Variants in FHIT observed in about 807,000 individuals in gnomAD.
FHIT encodes fragile histidine triad diadenosine triphosphatase, also known as bis(5'-adenosyl)-triphosphatase.
FHIT carries 19 observed loss-of-function variants against 17.9 expected under a neutral mutation model. That is an observed-to-expected ratio of 1.06 (90% CI 0.74 to 1.56). FHIT has a LOEUF of 1.56. FHIT is among the 40% of genes most tolerant of loss of function. The pLI, the probability that FHIT is intolerant of heterozygous loss-of-function variation, is 0.00. For synonymous variants in FHIT, 81 were observed against 69.7 expected (o/e 1.16, Z -0.81); for missense variants, 248 against 189.2 (o/e 1.31, Z -1.82).
intron 2 of FHIT, among the ~76,000 whole-genome samples, chr3:61,197,916 G>A (rs965194455): frequency 4.6e-5 from 7 of 152,008 alleles, no homozygotes; most frequent in African/African-American, 1.7e-4. Context: ...AGCCAAGAGT[G>A]ACTTTTCTGT....
At chr3:59,846,399 C>T (rs1156496945) in intron 8 of FHIT, among the ~76,000 whole-genome samples, 1 of 152,106 alleles carries the variant, frequency 6.6e-6, no homozygotes, top group Non-Finnish European at 1.5e-5. Context: ...ATACCCTCCC[C>T]TTTCTGTTGT....
At chr3:60,349,799 T>G (rs1356951074) in intron 5 of FHIT, among the ~76,000 whole-genome samples, 1 of 152,216 alleles carries the variant, frequency 6.6e-6, no homozygotes, top group Admixed American at 6.5e-5. Flanking sequence ...ATTGCTGAAT[T>G]CATAAGGTAA....
At chr3:61,190,539 T>G (rs1287728963) in intron 2 of FHIT, among the ~76,000 whole-genome samples, 1 of 152,184 alleles carries the variant, frequency 6.6e-6, no homozygotes, top group Non-Finnish European at 1.5e-5. Context: ...CTCAGGGATC[T>G]AGAACTAGAA....
intron 3 of FHIT, among the ~76,000 whole-genome samples, chr3:60,916,483 A>G (rs1707011535): frequency 6.6e-6 from 1 of 152,186 alleles, no homozygotes; most frequent in South Asian, 2.1e-4. Context: ...GGTAAAAATC[A>G]CCCATTTTTG....
chr3:60,684,046 T>G (rs2040808768), intron 4 of FHIT, among the ~76,000 whole-genome samples: 1 of 152,158 alleles, frequency 6.6e-6, no homozygotes, highest in Non-Finnish European at 1.5e-5. Context: ...GCACTGAGAT[T>G]CAGAGAGGTC....
chr3:59,807,628 G>A (rs574679277), intron 8 of FHIT, among the ~76,000 whole-genome samples: 68 of 152,258 alleles, frequency 4.5e-4, no homozygotes, highest in African/African-American at 1.6e-3. Flanking sequence ...CTCGGCAGCA[G>A]TATATCCCAG....
At chr3:60,160,160 C>T (rs945024044) in intron 5 of FHIT, among the ~76,000 whole-genome samples, 1 of 151,390 alleles carries the variant, frequency 6.6e-6, no homozygotes, top group African/African-American at 2.4e-5. Context: ...GTCTGTGTGT[C>T]TGTGTGTGTA....
At chr3:60,126,004 G>T (rs953171717) in intron 5 of FHIT, among the ~76,000 whole-genome samples, 1 of 152,058 alleles carries the variant, frequency 6.6e-6, no homozygotes, top group Non-Finnish European at 1.5e-5. Flanking sequence ...TGATCTATGT[G>T]GACTACACTG....
At chr3:59,819,475 T>A (rs1392203702) in intron 8 of FHIT, among the ~76,000 whole-genome samples, 3 of 152,188 alleles carry the variant, frequency 2.0e-5, no homozygotes, top group African/African-American at 7.2e-5. Context: ...TGAAAAAAAA[T>A]TTAATTTTTA....
chr3:60,046,773 T>C (rs1202840818), intron 5 of FHIT, among the ~76,000 whole-genome samples: 1 of 152,196 alleles, frequency 6.6e-6, no homozygotes, highest in Admixed American at 6.5e-5. Context: ...ATCAGAGATG[T>C]TCTGGAGAAA....
At chr3:60,600,659 A>C (rs573729223) in intron 4 of FHIT, among the ~76,000 whole-genome samples, 1 of 152,158 alleles carries the variant, frequency 6.6e-6, no homozygotes, top group Non-Finnish European at 1.5e-5. Flanking sequence ...AAAGAAGGTA[A>C]GTAGACAGAT....
intron 4 of FHIT, among the ~76,000 whole-genome samples, chr3:60,708,353 C>A (rs990663520): frequency 1.3e-5 from 2 of 152,118 alleles, no homozygotes; most frequent in Non-Finnish European, 2.9e-5. Flanking sequence ...CAGCTCCTAC[C>A]AAAAGCACAT....
chr3:60,366,993 T>C (rs1025111614), intron 5 of FHIT, among the ~76,000 whole-genome samples: 2 of 152,194 alleles, frequency 1.3e-5, no homozygotes, highest in Non-Finnish European at 1.5e-5. Flanking sequence ...GAGATTCTAC[T>C]TTGCCCCATT....
At chr3:59,976,136 G>A (rs981779388) in intron 7 of FHIT, among the ~76,000 whole-genome samples, 1 of 152,064 alleles carries the variant, frequency 6.6e-6, no homozygotes, top group African/African-American at 2.4e-5. Context: ...AAGATAAAAT[G>A]AGATGGCTCC....
At chr3:60,285,053 G>C (rs1707655830) in intron 5 of FHIT, among the ~76,000 whole-genome samples, 1 of 152,026 alleles carries the variant, frequency 6.6e-6, no homozygotes, top group African/African-American at 2.4e-5. Context: ...ATAAAACCTA[G>C]TAATTTTATT....
chr3:60,785,930 C>CAGAGAGAGAG (rs1480318756), intron 4 of FHIT, among the ~76,000 whole-genome samples: 30 of 119,806 alleles, frequency 2.5e-4, no homozygotes, highest in African/African-American at 8.5e-4. Context: ...CACACACACA[C>CAGAGAGAGAG]ACACAGAGAG....
At chr3:61,019,150 T>C (rs1282326881) in intron 3 of FHIT, among the ~76,000 whole-genome samples, 7 of 152,232 alleles carry the variant, frequency 4.6e-5, no homozygotes, top group Non-Finnish European at 1.0e-4. Flanking sequence ...AAATCTATCA[T>C]AACAACTGAT....
intron 8 of FHIT, among the ~76,000 whole-genome samples, chr3:59,875,776 A>G (rs1690022826): frequency 6.6e-6 from 1 of 151,908 alleles, no homozygotes. Flanking sequence ...GAAGTGTTCT[A>G]TTATGGAAAG....
chr3:60,288,957 C>T (rs747617493), intron 5 of FHIT, among the ~76,000 whole-genome samples: 6 of 152,052 alleles, frequency 3.9e-5, no homozygotes, highest in Non-Finnish European at 7.4e-5. Flanking sequence ...CCAATGCCAC[C>T]GTGGTCTTTT....
Sources: allele counts gnomAD v4.1 joint callset (sites outside exome capture counted in the v4.1 genomes callset), GRCh38; gene constraint gnomAD v4.1.1; transcripts MANE v1.5; gene names NCBI Gene and HGNC (gene_info 2026-07-23, HGNC 2026-07-21).